The following TRPS1 variants were observed in gnomAD, a reference collection of about 807,000 sequenced individuals.
TRPS1 encodes transcriptional repressor GATA binding 1.
TRPS1 carries 6 observed loss-of-function variants against 101.2 expected under a neutral mutation model. The observed-to-expected ratio is 0.06, with a 90% CI of 0.03 to 0.12. The LOEUF (loss-of-function observed/expected upper bound fraction) is 0.12, where lower values mean the gene tolerates loss of function less well. Ranked by LOEUF, TRPS1 falls within the 10% of genes least tolerant of loss-of-function variation. The pLI is 1.00. For synonymous variants in TRPS1, 578 were observed against 589.8 expected, an observed-to-expected ratio of 0.98 and a Z score of 0.29; for missense variants, 1,363 against 1,567.0, an observed-to-expected ratio of 0.87 and a Z score of 2.20.
chr8:115,517,077 T>G (rs1815730629), intron 5 of TRPS1, among the ~76,000 whole-genome samples: 1 of 151,666 alleles, frequency 6.6e-6, no homozygotes, highest in Non-Finnish European at 1.5e-5. Flanking sequence ...TTCTTGCTTT[T>G]TAAACAAAAT....
chr8:115,538,054 G>A (rs1350296114), intron 5 of TRPS1, among the ~76,000 whole-genome samples: 2 of 152,188 alleles, frequency 1.3e-5, no homozygotes, highest in Non-Finnish European at 2.9e-5. Context: ...ATTATTTCCA[G>A]GTGCTGATAA....
At chr8:115,626,765 CCT>C (rs1818517863) in intron 1 of TRPS1, among the ~76,000 whole-genome samples, 1 of 151,624 alleles carries the variant, frequency 6.6e-6, no homozygotes, top group Non-Finnish European at 1.5e-5. Flanking sequence ...AACCAAAAGC[CCT>C]CTGAGATAAA....
At chr8:115,478,343 T>G (rs1586314416) in intron 5 of TRPS1, among the ~76,000 whole-genome samples, 1 of 152,208 alleles carries the variant, frequency 6.6e-6, no homozygotes, top group African/African-American at 2.4e-5. Flanking sequence ...GTGACATAAC[T>G]CAATTTTTTC....
chr8:115,620,912 AACTG>A (rs1818378915), intron 2 of TRPS1, among the ~76,000 whole-genome samples: 1 of 152,344 alleles, frequency 6.6e-6, no homozygotes, highest in East Asian at 1.9e-4. Flanking sequence ...GCACACTGGA[AACTG>A]ACTAAGAAAG....
intron 5 of TRPS1, among the ~76,000 whole-genome samples, chr8:115,437,395 C>A (rs577498325): frequency 6.6e-6 from 1 of 152,176 alleles, no homozygotes; most frequent in Non-Finnish European, 1.5e-5. Context: ...CAATAAAAGC[C>A]CTTGTGGCCA....
rs56778552 is a variant in TRPS1, at chr8:115,413,537, T to C, written c.*486A>G. ...GGGCGCCATTTTTCTTTCATTGCCC[T>C]GGACCTTCAATTTCTCCTCCTCTGC... is the stretch of plus-strand genomic sequence containing the variant. On this transcript the variant is annotated 3_prime_UTR_variant, in exon 7 of 7. Transcript: ENST00000395715. 0.052 allele frequency: 8,021 copies of C among 154,136 alleles called. 769 individuals are homozygous for C. The highest frequency in any genetic ancestry group is 0.18 in the African/African-American group (7,504 of 41,486). 9.5% of individuals were successfully genotyped at this position (154,136 alleles called of 1,614,324 possible). A position where few individuals can be genotyped will look rare whatever the true frequency, so the allele number is the denominator to read the frequency against.
At chr8:115,645,024 C>T (rs1818992555) in intron 1 of TRPS1, among the ~76,000 whole-genome samples, 1 of 151,942 alleles carries the variant, frequency 6.6e-6, no homozygotes, top group East Asian at 1.9e-4. Flanking sequence ...AATATAATAA[C>T]AATGAAAAGG....
At chr8:115,579,846 G>T (rs1473993222) in intron 5 of TRPS1, among the ~76,000 whole-genome samples, 1 of 152,052 alleles carries the variant, frequency 6.6e-6, no homozygotes, top group Non-Finnish European at 1.5e-5. Flanking sequence ...ACAAGTGAGA[G>T]GGAGGCATTT....
At chr8:115,582,257 T>C (rs1363941004) in intron 5 of TRPS1, among the ~76,000 whole-genome samples, 1 of 152,190 alleles carries the variant, frequency 6.6e-6, no homozygotes, top group Non-Finnish European at 1.5e-5. Context: ...CTTCAGACCA[T>C]CTTTAGTTAA....
chr8:115,416,778 G>T (rs1027683279), intron 6 of TRPS1, among the ~76,000 whole-genome samples: 1 of 151,930 alleles, frequency 6.6e-6, no homozygotes, highest in Admixed American at 6.6e-5. Flanking sequence ...TTCATTGTTA[G>T]TTTAAGAAAG....
chr8:115,592,129 A>C (rs551143096), intron 4 of TRPS1, among the ~76,000 whole-genome samples: 1 of 152,346 alleles, frequency 6.6e-6, no homozygotes, highest in African/African-American at 2.4e-5. Context: ...TGGTTTGCAA[A>C]ACAGGCTGGG....
chr8:115,554,672 G>C (rs530967824), intron 5 of TRPS1, among the ~76,000 whole-genome samples: 32 of 152,262 alleles, frequency 2.1e-4, no homozygotes, highest in Non-Finnish European at 3.5e-4. Context: ...TCAAAGTCTG[G>C]TTAAATGTGA....
At chr8:115,456,835 A>G (rs1814038749) in intron 5 of TRPS1, among the ~76,000 whole-genome samples, 1 of 152,106 alleles carries the variant, frequency 6.6e-6, no homozygotes, top group African/African-American at 2.4e-5. Context: ...AAATTTATTA[A>G]GAAATTTGCT....
chr8:115,619,722 A>G lies in TRPS1; in HGVS notation c.376T>C (p.Phe126Leu). The G allele has an allele frequency of 6.2e-7, 1 of 1,614,166 alleles. No homozygotes were observed. The highest frequency in any genetic ancestry group is 8.5e-7 in the Non-Finnish European group (1 of 1,180,030). The change falls in exon 3 of 7, where the codon TTC becomes CTC. Residue 126 changes from phenylalanine to leucine, a missense_variant. By Grantham distance (22) the Phe-to-Leu change is conservative. Coordinates refer to ENST00000395715, the MANE Select transcript of TRPS1 (RefSeq NM_014112.5). ...DEVTDRNMLA[F>L]SSPAAGGVCE... Reference sequence around the variant, plus strand: ...ACTCCCCCAGCAGCTGGAGATGAGAAAGCCAACATATTTCTGTCTGTCACC... The same window carrying G: ...ACTCCCCCAGCAGCTGGAGATGAGAGAGCCAACATATTTCTGTCTGTCACC...
rs760648249 is a variant in TRPS1 at position 115,587,083 on chromosome 8, C to G, written c.2618G>C (p.Gly873Ala). ...KGFLQGAPAGGEKSGALPQQY... is the reference protein window; with the variant it reads ...KGFLQGAPAGAEKSGALPQQY... ...CTGGGGGAGGGCCCCAGACTTCTCT[C>G]CGCCAGCTGGCGCCCCCTGCAGGAA... The change falls in exon 5 of 7, where the codon GGA (glycine) becomes GCA (alanine). Residue 873 changes from glycine to alanine, a missense_variant. Physicochemically the swap from Gly to Ala is moderately conservative, Grantham distance 60 (BLOSUM62 0). Transcript: ENST00000395715. The G allele has an allele frequency of 1.9e-6, 3 of 1,614,162 alleles. No homozygotes were observed. The highest frequency in any genetic ancestry group is 1.7e-6 in the Non-Finnish European group (2 of 1,180,012).
intron 1 of TRPS1, among the ~76,000 whole-genome samples, chr8:115,624,626 T>A (rs1206316095): frequency 1.3e-5 from 2 of 151,992 alleles, no homozygotes; most frequent in Admixed American, 1.3e-4. Context: ...TAACCGTATT[T>A]CCTTCTAAAT....
intron 5 of TRPS1, among the ~76,000 whole-genome samples, chr8:115,581,424 T>C (rs1015603150): frequency 6.6e-6 from 1 of 152,236 alleles, no homozygotes; most frequent in Admixed American, 6.5e-5. Context: ...ACAAAGAAAT[T>C]ACAAATGTTG....
At chr8:115,510,367 G>C (rs1458339597) in intron 5 of TRPS1, among the ~76,000 whole-genome samples, 1 of 151,948 alleles carries the variant, frequency 6.6e-6, no homozygotes, top group East Asian at 1.9e-4. Flanking sequence ...AAATTGTGCA[G>C]TTGCAGACAC....
chr8:115,457,214 T>C (rs891466107), intron 5 of TRPS1, among the ~76,000 whole-genome samples: 2 of 152,210 alleles, frequency 1.3e-5, no homozygotes, highest in Non-Finnish European at 2.9e-5. Flanking sequence ...TAGGAAGCGT[T>C]GTCTGTCCAA....
Sources: gnomAD v4.1 joint callset for allele counts (sites outside exome capture counted in the v4.1 genomes callset) on GRCh38, gnomAD v4.1.1 for gene constraint, MANE v1.5 for transcripts, NCBI Gene and HGNC (gene_info 2026-07-23, HGNC 2026-07-21) for gene names.